The following DLC1 variants were observed in gnomAD, a reference collection of about 807,000 sequenced individuals.
The protein encoded by DLC1 is rho GTPase-activating protein 7.
Under a neutral mutation model 140.3 loss-of-function variants are expected in DLC1, and 54 were observed. That is an observed-to-expected ratio of 0.38 (90% CI 0.31 to 0.48). The LOEUF is 0.48. Ranked by LOEUF, DLC1 falls within the 20% of genes least tolerant of loss-of-function variation. DLC1 has a pLI of 0.96. For missense variants in DLC1, 2,536 were observed against 1,907.0 expected (o/e 1.33, Z -6.14); for synonymous variants, 986 against 728.1 (o/e 1.35, Z -5.70).
At chr8:13,152,346 G>C (rs557089730) in intron 5 of DLC1, among the ~76,000 whole-genome samples, 3 of 152,154 alleles carry the variant, frequency 2.0e-5, no homozygotes, top group African/African-American at 7.2e-5. Context: ...CAAAGATTTT[G>C]GATTAAACTC....
At chr8:13,489,013 T>C (rs1170795981) in intron 2 of DLC1, among the ~76,000 whole-genome samples, 1 of 152,130 alleles carries the variant, frequency 6.6e-6, no homozygotes, top group Non-Finnish European at 1.5e-5. Context: ...AGTGGCGTGA[T>C]CTTGGCTCAC....
intron 5 of DLC1, among the ~76,000 whole-genome samples, chr8:13,216,311 A>G (rs1298432973): frequency 1.3e-5 from 2 of 152,208 alleles, no homozygotes; most frequent in East Asian, 1.9e-4. Context: ...AGAGGACTAT[A>G]TTGAAGTTGA....
intron 5 of DLC1, among the ~76,000 whole-genome samples, chr8:13,162,212 C>G (rs1824758274): frequency 6.6e-6 from 1 of 152,304 alleles, no homozygotes; most frequent in Admixed American, 6.5e-5. Context: ...GCAAACAATT[C>G]TATGGTCTTG....
intron 4 of DLC1, among the ~76,000 whole-genome samples, chr8:13,364,523 C>G (rs1270004118): frequency 6.6e-6 from 1 of 152,070 alleles, no homozygotes; most frequent in Non-Finnish European, 1.5e-5. Flanking sequence ...TCTCGAACTC[C>G]CAACCTCAGG....
chr8:13,508,357 G>A (rs1415177381), intron 1 of DLC1, among the ~76,000 whole-genome samples: 2 of 152,210 alleles, frequency 1.3e-5, no homozygotes, highest in East Asian at 1.9e-4. Context: ...TTGGTTTCTA[G>A]GAGATCCCAG....
intron 2 of DLC1, among the ~76,000 whole-genome samples, chr8:13,465,952 A>T (rs909670461): frequency 3.2e-4 from 48 of 152,208 alleles, no homozygotes; most frequent in Middle Eastern, 6.8e-3. Context: ...CCTCAAGGTG[A>T]TCAATCCAGA....
chr8:13,197,773 G>C (rs1346096755), intron 5 of DLC1, among the ~76,000 whole-genome samples: 1 of 152,054 alleles, frequency 6.6e-6, no homozygotes, highest in Non-Finnish European at 1.5e-5. Flanking sequence ...AAATGTGTTG[G>C]GAACTATAAA....
At chr8:13,316,421 CT>C (rs200548235) in intron 4 of DLC1, among the ~76,000 whole-genome samples, 8 of 151,040 alleles carry the variant, frequency 5.3e-5, no homozygotes, top group East Asian at 1.9e-4. Context: ...TAGCATGTTT[CT>C]TTTTTTTTGC....
At chr8:13,096,048 T>A (rs1172025511) in intron 10 of DLC1, 1 of 152,226 alleles carries the variant, frequency 6.6e-6, no homozygotes, top group African/African-American at 2.4e-5. Flanking sequence ...AGGAAACCCA[T>A]GTCATGCATT....
In DLC1 at chr8:13,282,591, T is replaced by A. The variant is rs893478093; in HGVS notation, c.1348+22678A>T. 2.0e-5 allele frequency among the ~76,000 whole-genome samples: 3 copies of A among 152,170 alleles called. No individual in the cohort carries two copies. In the South Asian group the frequency reaches 6.2e-4, roughly 32 times the overall value. ...CAGTTAAAACTTCAGGGGGAAATAATTTCCTTTATTTTGTTCTTCATTTTA... is the reference window on the plus strand; with the variant it reads ...CAGTTAAAACTTCAGGGGGAAATAAATTCCTTTATTTTGTTCTTCATTTTA... On this transcript the variant is annotated intron_variant, in intron 5 of 17. Coordinates refer to ENST00000276297, the MANE Select transcript of DLC1 (RefSeq NM_182643.3).
intron 5 of DLC1, among the ~76,000 whole-genome samples, chr8:13,247,056 T>G (rs959601949): frequency 6.6e-6 from 1 of 152,148 alleles, no homozygotes; most frequent in Non-Finnish European, 1.5e-5. Flanking sequence ...TCAACCACAT[T>G]GTAAGGAGCG....
intron 5 of DLC1, among the ~76,000 whole-genome samples, chr8:13,166,871 T>G (rs1455872223): frequency 6.6e-6 from 1 of 152,158 alleles, no homozygotes; most frequent in African/African-American, 2.4e-5. Context: ...TAGAGGACGC[T>G]GGGAATTGGT....
At chr8:13,350,624 GA>G (rs1361365731) in intron 4 of DLC1, among the ~76,000 whole-genome samples, 1 of 152,090 alleles carries the variant, frequency 6.6e-6, no homozygotes, top group Non-Finnish European at 1.5e-5. Context: ...GTTGAGGCAG[GA>G]AAATCGCTTG....
chr8:13,519,546 T>G (rs1474074459), upstream of DLC1, among the ~76,000 whole-genome samples: 1 of 152,212 alleles, frequency 6.6e-6, no homozygotes, highest in African/African-American at 2.4e-5. Flanking sequence ...TGATCAATTT[T>G]GTCACAATTT....
chr8:13,402,219 A>C (rs1466574760), intron 2 of DLC1, among the ~76,000 whole-genome samples: 1 of 152,180 alleles, frequency 6.6e-6, no homozygotes, highest in Non-Finnish European at 1.5e-5. Context: ...AGCTCCCACA[A>C]CAATTTGTAT....
chr8:13,260,609 T>G (rs1830435804), intron 5 of DLC1, among the ~76,000 whole-genome samples: 1 of 151,942 alleles, frequency 6.6e-6, no homozygotes, highest in Non-Finnish European at 1.5e-5. Context: ...AAGGTGAGGA[T>G]AGGACAAGAT....
intron 2 of DLC1, among the ~76,000 whole-genome samples, chr8:13,440,783 G>T (rs192264361): frequency 1.3e-5 from 2 of 151,972 alleles, no homozygotes; most frequent in South Asian, 2.1e-4. Flanking sequence ...GTTTATCAGG[G>T]GATTCTGCAT....
At chr8:13,120,356 A>AAAAAAAAAAAATATATATATATATAT in intron 5 of DLC1, among the ~76,000 whole-genome samples, 38 of 61,080 alleles carry the variant, frequency 6.2e-4, no homozygotes, top group Non-Finnish European at 1.2e-3. Flanking sequence ...AAAAAAAAAA[A>AAAAAAAAAAAATATATATATATATAT]ATATATATAT....
intron 5 of DLC1, among the ~76,000 whole-genome samples, chr8:13,223,491 A>G (rs753148208): frequency 1.3e-5 from 2 of 152,232 alleles, no homozygotes; most frequent in Non-Finnish European, 2.9e-5. Flanking sequence ...TAAAAACCCT[A>G]GAAGAAAAAT....
Sources: gnomAD v4.1 joint callset for allele counts (sites outside exome capture counted in the v4.1 genomes callset) on GRCh38, gnomAD v4.1.1 for gene constraint, MANE v1.5 for transcripts, NCBI Gene and HGNC (gene_info 2026-07-23, HGNC 2026-07-21) for gene names.